Variants in NFKB1 observed in about 807,000 individuals in gnomAD.
NFKB1 encodes the protein nuclear factor NF-kappa-B p105 subunit.
In NFKB1, 9 loss-of-function variants were observed where a neutral mutation model predicts 105.1. The ratio of observed to expected loss-of-function variants is 0.09; its 90% confidence interval spans 0.05 to 0.15. The LOEUF (loss-of-function observed/expected upper bound fraction) is 0.15, where lower values mean the gene tolerates loss of function less well. Among genes scored for constraint, NFKB1 ranks in the 10% least tolerant of loss-of-function variants. The pLI is 1.00. For missense variants in NFKB1, 830 were observed against 1,203.7 expected, an observed-to-expected ratio of 0.69 and a Z score of 4.59; for synonymous variants, 440 against 442.2, an observed-to-expected ratio of 1.00 and a Z score of 0.06.
intron 1 of NFKB1, among the ~76,000 whole-genome samples, chr4:102,502,444 A>G (rs904707912): frequency 7.0e-6 from 1 of 142,834 alleles, no homozygotes; most frequent in Non-Finnish European, 1.5e-5. Context: ...GTCACCTGCT[A>G]TAGGACTTGA....
chr4:102,615,827 C>T (rs1728898041), intron 23 of NFKB1, among the ~76,000 whole-genome samples: 2 of 152,204 alleles, frequency 1.3e-5, no homozygotes, highest in South Asian at 4.1e-4. Flanking sequence ...GTATGTTAGA[C>T]TTCTGTTTCC....
chr4:102,502,085 T>TA (rs1229112079), intron 1 of NFKB1: 8 of 152,398 alleles, frequency 5.2e-5, no homozygotes, highest in African/African-American at 1.9e-4. Context: ...GGGGAACTCT[T>TA]ACAAACTTTT....
chr4:102,512,855 CTT>C (rs1302502421), intron 1 of NFKB1, among the ~76,000 whole-genome samples: 3 of 152,152 alleles, frequency 2.0e-5, no homozygotes, highest in Admixed American at 6.5e-5. Context: ...CATAATGACT[CTT>C]TTTCTTTTAA....
intron 5 of NFKB1, among the ~76,000 whole-genome samples, chr4:102,540,229 A>G (rs917265284): frequency 1.1e-4 from 16 of 152,190 alleles, no homozygotes; most frequent in African/African-American, 3.9e-4. Flanking sequence ...CTAAGTAACA[A>G]TTCTTGATAC....
intron 1 of NFKB1, among the ~76,000 whole-genome samples, chr4:102,525,001 T>C (rs577864339): frequency 7.0e-4 from 107 of 152,320 alleles, no homozygotes; most frequent in African/African-American, 2.4e-3. Flanking sequence ...CAGAGCCTGG[T>C]ACACTATAGC....
chr4:102,543,969 A>G (rs1348196137), intron 5 of NFKB1, among the ~76,000 whole-genome samples: 2 of 152,118 alleles, frequency 1.3e-5, no homozygotes, highest in East Asian at 1.9e-4. Flanking sequence ...CCATACCCCT[A>G]TGTACATTAT....
chr4:102,610,805 CTTTTAT>C, intron 20 of NFKB1, 106 bp downstream of exon 20: 1 of 1,339,488 alleles, frequency 7.5e-7, no homozygotes, highest in Non-Finnish European at 1.0e-6. Context: ...AAGAACATGC[CTTTTAT>C]TTTTAAGAAA....
At position 102,607,135 on chromosome 4, in the gene NFKB1, T is replaced by C; in HGVS notation, c.1955-15T>C. On this transcript the variant is annotated splice_polypyrimidine_tract_variant and intron_variant, in intron 17 of 23. Coordinates refer to ENST00000226574, the MANE Select transcript of NFKB1 (RefSeq NM_003998.4). ...GCCATCCCATCCTGTGACTGTCCCT[T>C]TGCTTGGACTCTAGGTCTGAATGCC... 1 of 1,614,086 alleles carries C rather than the reference T, an allele frequency of 6.2e-7. No individual in the cohort carries two copies. The highest frequency in any genetic ancestry group is 8.5e-7 in the Non-Finnish European group (1 of 1,179,964).
chr4:102,540,745 G>C (rs527857357), intron 5 of NFKB1, among the ~76,000 whole-genome samples: 96 of 152,194 alleles, frequency 6.3e-4, no homozygotes, highest in African/African-American at 2.1e-3. Flanking sequence ...TTAATTGGAA[G>C]GATGGGTAGG....
At chr4:102,579,553 C>T (rs1725148717) in intron 8 of NFKB1, among the ~76,000 whole-genome samples, 1 of 151,110 alleles carries the variant, frequency 6.6e-6, no homozygotes, top group South Asian at 2.1e-4. Context: ...GCGTCATGCC[C>T]TGTAGTCTCA....
intron 4 of NFKB1, among the ~76,000 whole-genome samples, chr4:102,537,352 A>G (rs901692410): frequency 6.6e-6 from 1 of 152,214 alleles, no homozygotes; most frequent in Admixed American, 6.5e-5. Flanking sequence ...GGTCTAGCAC[A>G]GGGTGTGTTC....
intron 6 of NFKB1, among the ~76,000 whole-genome samples, chr4:102,567,971 A>C (rs1724012676): frequency 6.6e-6 from 1 of 152,184 alleles, no homozygotes; most frequent in Non-Finnish European, 1.5e-5. Flanking sequence ...CAAAAGAAGA[A>C]ATTTTTAATT....
chr4:102,524,788 A>G (rs1245199414), intron 1 of NFKB1, among the ~76,000 whole-genome samples: 2 of 152,136 alleles, frequency 1.3e-5, no homozygotes, highest in African/African-American at 4.8e-5. Context: ...GATCCCTTGC[A>G]TGCACAGTTC....
chr4:102,614,984 G>C (rs1728808309), intron 23 of NFKB1, among the ~76,000 whole-genome samples: 1 of 152,032 alleles, frequency 6.6e-6, no homozygotes. Context: ...CATCCTGTCT[G>C]CAACCACCGC....
chr4:102,525,643 T>C, intron 2 of NFKB1, 86 bp downstream of exon 2: 2 of 1,232,462 alleles, frequency 1.6e-6, no homozygotes, highest in Non-Finnish European at 1.1e-6. Context: ...AAGTTAGCAT[T>C]AGGAAAATTC....
intron 6 of NFKB1, among the ~76,000 whole-genome samples, chr4:102,573,746 C>T (rs1424537363): frequency 1.3e-5 from 2 of 151,894 alleles, no homozygotes; most frequent in African/African-American, 4.8e-5. Context: ...TTTTCTCTTT[C>T]ATTTTGGAAA....
intron 2 of NFKB1, among the ~76,000 whole-genome samples, chr4:102,526,812 A>G (rs550641349): frequency 6.6e-6 from 1 of 152,210 alleles, no homozygotes; most frequent in East Asian, 1.9e-4. Context: ...TTTCTCCTAT[A>G]TTTTATTTTG....
chr4:102,515,115 T>TTA (rs1292604394), intron 1 of NFKB1, among the ~76,000 whole-genome samples: 7 of 131,538 alleles, frequency 5.3e-5, no homozygotes, highest in African/African-American at 1.7e-4. Context: ...TTATTTTTTT[T>TTA]TTTTTTTTTT....
At chr4:102,505,333 T>C (rs928492052) in intron 1 of NFKB1, among the ~76,000 whole-genome samples, 5 of 152,270 alleles carry the variant, frequency 3.3e-5, no homozygotes, top group Admixed American at 3.3e-4. Flanking sequence ...AGAGTACTAA[T>C]AATAAAAATA....
Sources: allele counts gnomAD v4.1 joint callset (sites outside exome capture counted in the v4.1 genomes callset), GRCh38; gene constraint gnomAD v4.1.1; transcripts MANE v1.5; gene names NCBI Gene and HGNC (gene_info 2026-07-23, HGNC 2026-07-21).